WASHC3: variants seen among roughly 807,000 people sequenced by gnomAD.
WASHC3 encodes WASH complex subunit 3.
A neutral mutation model predicts 26.1 loss-of-function variants in WASHC3; 24 were observed. That is an observed-to-expected ratio of 0.92 (90% CI 0.66 to 1.29). The LOEUF (loss-of-function observed/expected upper bound fraction) is 1.29. Among genes scored for constraint, WASHC3 ranks in the 50% most tolerant of loss-of-function variants. WASHC3 has a pLI of 0.00. For synonymous variants in WASHC3, 77 were observed against 75.7 expected, an observed-to-expected ratio of 1.02 and a Z score of -0.09; for missense variants, 214 against 229.6, an observed-to-expected ratio of 0.93 and a Z score of 0.44.
At chr12:102,058,286 G>GT (rs2136694879) in intron 2 of WASHC3, among the ~76,000 whole-genome samples, 1 of 152,170 alleles carries the variant, frequency 6.6e-6, no homozygotes, top group South Asian at 2.1e-4. Context: ...AGATTTAAAT[G>GT]TAAGACCTGA....
intron 6 of WASHC3, among the ~76,000 whole-genome samples, chr12:102,015,854 A>G (rs1047625839): frequency 5.3e-5 from 8 of 152,230 alleles, no homozygotes; most frequent in African/African-American, 1.7e-4. Flanking sequence ...GAGCTGAGAA[A>G]CCTCTATCGC....
chr12:102,053,349 C>T (rs1878469539), intron 2 of WASHC3, among the ~76,000 whole-genome samples: 1 of 152,150 alleles, frequency 6.6e-6, no homozygotes, highest in Admixed American at 6.5e-5. Flanking sequence ...CCAGGAACAA[C>T]CCTACGAACC....
intron 6 of WASHC3, among the ~76,000 whole-genome samples, chr12:102,018,323 T>A (rs935647441): frequency 2.0e-5 from 3 of 152,202 alleles, no homozygotes; most frequent in Non-Finnish European, 4.4e-5. Context: ...TTTGGGTACA[T>A]CCCCAAAAGT....
In WASHC3 at chr12:102,044,134, G is replaced by A; in HGVS notation, c.295C>T (p.His99Tyr). The A allele has an allele frequency of 6.2e-7, 1 of 1,607,464 alleles. No individual in the cohort carries two copies. The highest frequency in any genetic ancestry group is 8.5e-7 in the Non-Finnish European group (1 of 1,176,086). ...GGTTGCTCTGAAGTGGCTTCAGGAT[G>A]TGCTCCATTTGTGACACTGGTGACA... is the stretch of plus-strand genomic sequence containing the variant. ...LNVTSVTNGA[H>Y]PEATSEQPQQ... The change falls in exon 4 of 7, where the codon CAT (histidine) becomes TAT (tyrosine). Residue 99 changes from histidine (H) to tyrosine (Y), a missense_variant. His to Tyr is a moderately conservative substitution (Grantham distance 83). Transcript: ENST00000240079.
rs758979621 is a variant in WASHC3 at position 102,061,943 on chromosome 12, G to A, written c.20C>T (p.Pro7Leu). 7.5e-6 allele frequency: 12 copies of A among 1,601,644 alleles called. 1 individual carries two copies. In the South Asian group the frequency reaches 9.0e-5, roughly 12 times the overall value. The stretch of plus-strand genomic sequence containing the variant: ...CAGGTCTATGCCTGACCCCATGAGA[G>A]GAAGCCCGTCCTCATCCATCTCCTC... MDEDGL[P>L]LMGSGIDLTK... Residue 7 changes from proline to leucine, a missense_variant, in exon 1 of 7, where the codon CCT (proline) becomes CTT (leucine). Physicochemically the swap from Pro to Leu is moderately conservative, Grantham distance 98. Coordinates refer to ENST00000240079, the MANE Select transcript of WASHC3 (RefSeq NM_016053.4).
intron 2 of WASHC3, among the ~76,000 whole-genome samples, chr12:102,060,566 A>T (rs1482336095): frequency 6.6e-6 from 1 of 152,242 alleles, no homozygotes; most frequent in Non-Finnish European, 1.5e-5. Flanking sequence ...TCCTCTAGCC[A>T]TCTTTTAGAT....
intron 6 of WASHC3, among the ~76,000 whole-genome samples, chr12:102,015,658 T>C (rs926859484): frequency 1.3e-5 from 2 of 152,184 alleles, no homozygotes; most frequent in African/African-American, 4.8e-5. Flanking sequence ...TGCTAGAAAA[T>C]GTGTTAGGTA....
At chr12:102,046,727 G>A (rs181318139) in intron 2 of WASHC3, among the ~76,000 whole-genome samples, 2 of 152,166 alleles carry the variant, frequency 1.3e-5, no homozygotes, top group Non-Finnish European at 2.9e-5. Context: ...GTTTACTACT[G>A]TACCTTTAGT....
chr12:102,017,492 G>A (rs1001867547), intron 6 of WASHC3, among the ~76,000 whole-genome samples: 1 of 152,150 alleles, frequency 6.6e-6, no homozygotes, highest in Non-Finnish European at 1.5e-5. Context: ...CAGAGAAGGC[G>A]GAAATAAAAG....
chr12:102,051,724 A>T (rs1460158566), intron 2 of WASHC3, among the ~76,000 whole-genome samples: 2 of 152,226 alleles, frequency 1.3e-5, no homozygotes, highest in Admixed American at 1.3e-4. Flanking sequence ...GCATGCAAAG[A>T]TATGTTGAAT....
intron 4 of WASHC3, chr12:102,043,634 G>C (rs1878034805): frequency 6.6e-6 from 1 of 152,296 alleles, no homozygotes; most frequent in Non-Finnish European, 1.5e-5. Context: ...AAAAGAAAAT[G>C]TCAAAACTTT....
At chr12:102,026,769 G>A (rs1398404114) in intron 5 of WASHC3, among the ~76,000 whole-genome samples, 2 of 152,158 alleles carry the variant, frequency 1.3e-5, no homozygotes, top group Non-Finnish European at 2.9e-5. Context: ...GAAGCTCTAA[G>A]GGGAGAAGAT....
intron 2 of WASHC3, among the ~76,000 whole-genome samples, chr12:102,052,729 T>C (rs1312935412): frequency 6.6e-6 from 1 of 151,892 alleles, no homozygotes; most frequent in Non-Finnish European, 1.5e-5. Flanking sequence ...CATACCCTAG[T>C]GGAAGTAGGG....
chr12:102,014,444 AG>A lies in WASHC3; in HGVS notation c.501-1253del, dbSNP rs1876614035. Among the ~76,000 whole-genome samples the A allele has an allele frequency of 2.6e-5, 4 of 152,278 alleles. No homozygotes were observed. The South Asian group carries it at 8.3e-4, about 32-fold the overall frequency. ...CAGGCTTGACTCTTATTAAACATTT[AG>A]GACACTTAAAAATAAAACTCATATT... On this transcript the variant is annotated intron_variant, in intron 6 of 6. Transcript: ENST00000240079.
intron 4 of WASHC3, among the ~76,000 whole-genome samples, chr12:102,043,302 C>A (rs143168352): frequency 6.6e-6 from 1 of 152,044 alleles, no homozygotes; most frequent in Non-Finnish European, 1.5e-5. Context: ...CAGGGACTTG[C>A]GCTGTCACCT....
At chr12:102,043,114 G>C (rs1878008107) in intron 4 of WASHC3, among the ~76,000 whole-genome samples, 2 of 152,054 alleles carry the variant, frequency 1.3e-5, no homozygotes, top group Non-Finnish European at 2.9e-5. Flanking sequence ...GATCACCTAG[G>C]GGTCTTGTTA....
At chr12:102,048,018 T>G (rs893871413) in intron 2 of WASHC3, among the ~76,000 whole-genome samples, 3 of 152,160 alleles carry the variant, frequency 2.0e-5, no homozygotes, top group Non-Finnish European at 4.4e-5. Context: ...TTGAGATAAT[T>G]TTACACTGTT....
rs1339331557 is a variant in WASHC3 at position 102,013,114 on chromosome 12, A to G, written c.579T>C (p.Ser193=). 1 of 1,455,054 alleles carries G rather than the reference A, an allele frequency of 6.9e-7. No homozygotes were observed. The highest frequency in any genetic ancestry group is 9.4e-7 in the Non-Finnish European group (1 of 1,058,242). 90.1% of individuals were successfully genotyped at this position (1,455,054 alleles called of 1,614,324 possible). A position where few individuals can be genotyped will look rare whatever the true frequency, so the allele number is the denominator to read the frequency against. The change falls in exon 7 of 7, where the codon AGT becomes AGC. Residue 193 remains serine, a synonymous_variant. Transcript: ENST00000240079. ...ATTCTTATCAAAATTAAGCTTAATC[A>G]CTAAAAGAAGATTCGCTATCTGAAC... ...EESSDSESSF[S]D is the part of the protein sequence containing the mutation.
At chr12:102,055,566 G>C (rs1194837031) in intron 2 of WASHC3, among the ~76,000 whole-genome samples, 1 of 152,154 alleles carries the variant, frequency 6.6e-6, no homozygotes, top group Non-Finnish European at 1.5e-5. Flanking sequence ...GGCTGGTCTC[G>C]AACTCTTAGC....
Sources: allele counts gnomAD v4.1 joint callset (sites outside exome capture counted in the v4.1 genomes callset), GRCh38; gene constraint gnomAD v4.1.1; transcripts MANE v1.5; gene names NCBI Gene and HGNC (gene_info 2026-07-23, HGNC 2026-07-21).